NTRK3: variants seen among roughly 807,000 people sequenced by gnomAD.
The protein encoded by NTRK3 is NT-3 growth factor receptor.
A neutral mutation model predicts 91.7 loss-of-function variants in NTRK3; 24 were observed. That is an observed-to-expected ratio of 0.26 (90% CI 0.19 to 0.37). NTRK3 has a LOEUF of 0.37. Ranked by LOEUF, NTRK3 falls within the 10% of genes least tolerant of loss-of-function variation. The probability of loss-of-function intolerance (pLI) is 1.00; values close to 1 mark genes in which losing one functional copy is unlikely to be tolerated. For missense variants in NTRK3, 880 were observed against 1,068.9 expected, an observed-to-expected ratio of 0.82 and a Z score of 2.46; for synonymous variants, 483 against 404.0, an observed-to-expected ratio of 1.20 and a Z score of -2.34.
chr15:87,993,091 C>G (rs1293329981), intron 14 of NTRK3, among the ~76,000 whole-genome samples: 1 of 152,138 alleles, frequency 6.6e-6, no homozygotes, highest in Non-Finnish European at 1.5e-5. Flanking sequence ...AAAAAAATAT[C>G]TTAACATCAA....
chr15:88,182,617 A>G (rs1035789127), intron 5 of NTRK3, among the ~76,000 whole-genome samples: 2 of 152,190 alleles, frequency 1.3e-5, no homozygotes, highest in Admixed American at 1.3e-4. Flanking sequence ...CGAGATGGCC[A>G]CTATCCTTGG....
intron 3 of NTRK3, among the ~76,000 whole-genome samples, chr15:88,251,341 T>C (rs1417813260): frequency 2.0e-5 from 3 of 152,350 alleles, no homozygotes; most frequent in East Asian, 1.9e-4. Flanking sequence ...AGATGACATA[T>C]GTCCAAGTTG....
chr15:88,126,144 A>G lies in NTRK3; in HGVS notation c.1396+127T>C. On this transcript the variant is annotated intron_variant, in intron 13 of 18. Transcript: ENST00000394480. ...CAAGCGGCAAACAGGAGTTTCCATCAGTACCAGTTAGACCCCATGACCGGA... is the reference window on the plus strand; with the variant it reads ...CAAGCGGCAAACAGGAGTTTCCATCGGTACCAGTTAGACCCCATGACCGGA... The G allele has an allele frequency of 2.8e-6, 2 of 712,274 alleles. 1 individual carries two copies. The highest frequency in any genetic ancestry group is 3.1e-5 in the South Asian group (2 of 64,780). 44.1% of individuals were successfully genotyped at this position (712,274 alleles called of 1,614,324 possible).
chr15:88,126,126 C>T, intron 13 of NTRK3, 145 bp downstream of exon 13: 1 of 656,648 alleles, frequency 1.5e-6, no homozygotes. Flanking sequence ...GAACAAGCGG[C>T]AAACAGGAGT....
chr15:88,240,862 A>G lies in NTRK3; in HGVS notation c.248+15044T>C, dbSNP rs10852093. 0.86 allele frequency among the ~76,000 whole-genome samples: 130,818 copies of G among 152,286 alleles called. 56,355 individuals are homozygous for G. The highest frequency in any genetic ancestry group is 0.99 in the East Asian group (5,119 of 5,160). ...GATTCCTCCAACGGGCTGCCCTGCTAAGGGCAAAGCCCGAGGCCCACAAAG... is the reference window on the plus strand; with the variant it reads ...GATTCCTCCAACGGGCTGCCCTGCTGAGGGCAAAGCCCGAGGCCCACAAAG... On this transcript the variant is annotated intron_variant, in intron 3 of 18. Transcript: ENST00000394480. This position sits in a 1 kb window ranked among gnomAD's most constrained non-coding sequence, Gnocchi z 4.9.
chr15:88,250,152 C>G (rs2053207167), intron 3 of NTRK3, among the ~76,000 whole-genome samples: 1 of 152,180 alleles, frequency 6.6e-6, no homozygotes, highest in South Asian at 2.1e-4. Flanking sequence ...CTTCCTCTCT[C>G]AGGCGTAGTC....
rs965918331 is a variant in NTRK3, at chr15:88,240,020, G to A, written c.248+15886C>T. 6.6e-6 allele frequency among the ~76,000 whole-genome samples: 1 copy of A among 151,778 alleles called. No individual in the cohort carries two copies. Among genetic ancestry groups the A allele is most frequent in the Non-Finnish European group, 1.5e-5 (1 of 67,948 alleles). ...AATAACTCACAGGGTCTGGTCTCCA[G>A]AACACACATATACACACACAGCGAC... On this transcript the variant is annotated intron_variant, in intron 3 of 18. Coordinates refer to ENST00000394480, the Ensembl canonical transcript of NTRK3. The surrounding 1 kb of genome is among the most constrained non-coding windows in gnomAD (Gnocchi z 4.9).
intron 17 of NTRK3, among the ~76,000 whole-genome samples, chr15:87,894,877 G>T (rs944862203): frequency 3.3e-5 from 5 of 152,082 alleles, no homozygotes; most frequent in African/African-American, 1.2e-4. Context: ...GTGGATACTG[G>T]ACACTGTATT....
intron 17 of NTRK3, among the ~76,000 whole-genome samples, chr15:87,883,843 G>A (rs1227382523): frequency 3.3e-5 from 5 of 150,926 alleles, no homozygotes; most frequent in Admixed American, 3.3e-4. Context: ...AAATGTAAAA[G>A]TATTTATTGT....
At chr15:88,193,612 C>A (rs1167542808) in intron 3 of NTRK3, among the ~76,000 whole-genome samples, 1 of 152,148 alleles carries the variant, frequency 6.6e-6, no homozygotes. Flanking sequence ...AAATAGTGAC[C>A]ACTAGGCGAA....
At chr15:88,062,679 G>C (rs1183957969) in intron 13 of NTRK3, among the ~76,000 whole-genome samples, 1 of 152,206 alleles carries the variant, frequency 6.6e-6, no homozygotes, top group Non-Finnish European at 1.5e-5. Context: ...TCACAAAACA[G>C]AAGTAAATGT....
chr15:88,075,592 T>C (rs1487879952), intron 13 of NTRK3, among the ~76,000 whole-genome samples: 2 of 152,126 alleles, frequency 1.3e-5, no homozygotes, highest in Non-Finnish European at 2.9e-5. Flanking sequence ...CTCCCTTTTT[T>C]CTTTATGTTT....
intron 5 of NTRK3, among the ~76,000 whole-genome samples, chr15:88,168,696 A>C (rs1305540429): frequency 1.3e-5 from 2 of 151,346 alleles, no homozygotes; most frequent in East Asian, 3.9e-4. Context: ...TGCCAGATGT[A>C]GTAAGGACAA....
intron 3 of NTRK3, among the ~76,000 whole-genome samples, chr15:88,224,410 AT>A (rs1473937655): frequency 6.6e-6 from 1 of 152,232 alleles, no homozygotes; most frequent in African/African-American, 2.4e-5. Context: ...CACAGTCTGC[AT>A]TCCGGGGCCT....
At chr15:87,970,014 G>T (rs1440317892) in intron 14 of NTRK3, among the ~76,000 whole-genome samples, 1 of 152,174 alleles carries the variant, frequency 6.6e-6, no homozygotes, top group East Asian at 1.9e-4. Context: ...CCTCCACTAA[G>T]AGACAACAGT....
At chr15:87,909,055 C>T (rs570994510) in intron 17 of NTRK3, among the ~76,000 whole-genome samples, 1 of 152,210 alleles carries the variant, frequency 6.6e-6, no homozygotes, top group Non-Finnish European at 1.5e-5. Context: ...CTTAGTGTGT[C>T]CCGCAGAAAA....
chr15:88,112,041 G>C (rs970911860), intron 13 of NTRK3, among the ~76,000 whole-genome samples: 15 of 151,892 alleles, frequency 9.9e-5, no homozygotes, highest in African/African-American at 3.4e-4. Flanking sequence ...TGAGTAGCTG[G>C]GACTACAGGC....
chr15:88,130,016 G>A (rs1439057616), intron 10 of NTRK3, among the ~76,000 whole-genome samples: 2 of 152,120 alleles, frequency 1.3e-5, no homozygotes, highest in African/African-American at 4.8e-5. Context: ...ACAACACAAA[G>A]AGAACACTGC....
intron 17 of NTRK3, among the ~76,000 whole-genome samples, chr15:87,888,011 C>T (rs569696520): frequency 6.6e-5 from 10 of 152,234 alleles, no homozygotes; most frequent in Admixed American, 6.5e-4. Context: ...TAATAAGGCA[C>T]AGGAAATATT....
Sources: gnomAD v4.1 joint callset for allele counts (sites outside exome capture counted in the v4.1 genomes callset) on GRCh38, gnomAD v4.1.1 for gene constraint, Gnocchi (gnomAD v3.1) non-coding constraint, MANE v1.5 for transcripts, NCBI Gene and HGNC (gene_info 2026-07-23, HGNC 2026-07-21) for gene names.